PTPRC: variants seen among roughly 807,000 people sequenced by gnomAD.
The protein encoded by PTPRC is receptor-type tyrosine-protein phosphatase C.
A neutral mutation model predicts 155.9 loss-of-function variants in PTPRC; 44 were observed. The ratio of observed to expected loss-of-function variants is 0.28; its 90% CI spans 0.22 to 0.36. The LOEUF is 0.36. Among genes scored for constraint, PTPRC ranks in the 10% least tolerant of loss-of-function variants. PTPRC has a pLI of 1.00. For missense variants in PTPRC, 1,401 were observed against 1,564.6 expected (o/e 0.90, Z 1.76); for synonymous variants, 525 against 533.1 (o/e 0.98, Z 0.21).
intron 2 of PTPRC, among the ~76,000 whole-genome samples, chr1:198,662,354 T>C (rs1664015087): frequency 6.6e-6 from 1 of 151,988 alleles, no homozygotes; most frequent in Non-Finnish European, 1.5e-5. Flanking sequence ...GGCAATTTAT[T>C]TGAGATTACA....
intron 2 of PTPRC, among the ~76,000 whole-genome samples, chr1:198,643,442 A>G (rs1662754385): frequency 6.6e-6 from 1 of 151,944 alleles, no homozygotes; most frequent in Non-Finnish European, 1.5e-5. Flanking sequence ...AATTAACCAG[A>G]GGCGAAGTGG....
At chr1:198,679,873 A>G in intron 2 of PTPRC, 1 of 622,292 alleles carries the variant, frequency 1.6e-6, no homozygotes, top group East Asian at 2.8e-5. Flanking sequence ...CCTTGACTCA[A>G]GATCATCCCA....
At chr1:198,695,517 A>G (rs1666161074) in intron 3 of PTPRC, among the ~76,000 whole-genome samples, 1 of 134,850 alleles carries the variant, frequency 7.4e-6, no homozygotes, top group Non-Finnish European at 1.6e-5. Flanking sequence ...ATATTTTTCT[A>G]TTCTTTTATT....
chr1:198,751,071 G>A (rs1158947744), intron 29 of PTPRC, among the ~76,000 whole-genome samples: 4 of 151,800 alleles, frequency 2.6e-5, no homozygotes, highest in Non-Finnish European at 5.9e-5. Context: ...GCCTAAACAC[G>A]CCATTTGCAT....
chr1:198,658,538 GA>G (rs1663734567), intron 2 of PTPRC, among the ~76,000 whole-genome samples: 1 of 152,096 alleles, frequency 6.6e-6, no homozygotes, highest in African/African-American at 2.4e-5. Flanking sequence ...TCCTATATAA[GA>G]AAAATATTTC....
chr1:198,749,417 T>C lies in PTPRC; in HGVS notation c.2940T>C (p.Tyr980=), dbSNP rs779246448. 1 of 1,608,170 alleles carries C rather than the reference T, an allele frequency of 6.2e-7. No homozygotes were observed. The highest frequency in any genetic ancestry group is 8.5e-7 in the Non-Finnish European group (1 of 1,175,756). Residue 980 remains tyrosine, a splice_region_variant and synonymous_variant, in exon 28 of 33, where the codon TAT becomes TAC. Transcript: ENST00000442510. ...SKNRNSNVIP[Y]DYNRVPLKHE... ...TTACTACTGATTTATTTCACATAGA[T>C]GACTATAACAGAGTGCCACTTAAAC...
chr1:198,716,757 T>G lies in PTPRC; in HGVS notation c.1367T>G (p.Val456Gly). 2 of 1,613,192 alleles carry G rather than the reference T, an allele frequency of 1.2e-6. No individual in the cohort carries two copies. Among genetic ancestry groups the G allele is most frequent in the Non-Finnish European group, 1.7e-6 (2 of 1,179,834 alleles). Residue 456 changes from valine to glycine, a missense_variant, in exon 13 of 33, where the codon GTT becomes GGT. By Grantham distance (109) the Val-to-Gly change is moderately radical (BLOSUM62 -3). Around this residue, in one of 3 missense-constraint regions of PTPRC, gnomAD observed 867 missense variants for 970.4 expected, o/e 0.89. Coordinates refer to ENST00000442510, the MANE Select transcript of PTPRC (RefSeq NM_002838.5). The part of the protein sequence containing the change: ...LQNLKPYTKY[V>G]LSLHAYIIAK... ...AATTTAAAACCTTATACGAAATATG[T>G]TTTATCATTACATGCCTACATCATT...
intron 15 of PTPRC, among the ~76,000 whole-genome samples, chr1:198,722,999 T>G (rs1653963718): frequency 6.6e-6 from 1 of 151,720 alleles, no homozygotes; most frequent in African/African-American, 2.4e-5. Flanking sequence ...AGAATTAAAT[T>G]TCATTATAAT....
At position 198,731,838 on chromosome 1, in the gene PTPRC, A is replaced by G. The variant is rs534310385; in HGVS notation, c.1974+112A>G. 4 of 830,924 alleles carry G rather than the reference A, an allele frequency of 4.8e-6. No homozygotes were observed. In the Admixed American group the frequency reaches 7.5e-5, roughly 16 times the overall value. The allele number at this position is 830,924 out of a possible 1,614,324, so 51.5% of individuals were successfully genotyped here. ...AATTTATCCCACTTGATATTGCAAC[A>G]TAAGCAAAGTAGATATTATTAGCAG... On this transcript the variant is annotated intron_variant, in intron 18 of 32. Coordinates refer to ENST00000442510, the MANE Select transcript of PTPRC (RefSeq NM_002838.5).
intron 23 of PTPRC, 22 bp downstream of exon 23, chr1:198,735,274 T>A (rs778373371): frequency 1.3e-6 from 2 of 1,574,802 alleles, no homozygotes; most frequent in Admixed American, 3.4e-5. Flanking sequence ...TTTTACATAA[T>A]TTTTGTTTTG....
At chr1:198,688,151 A>G (rs1432854994) in intron 2 of PTPRC, among the ~76,000 whole-genome samples, 1 of 152,038 alleles carries the variant, frequency 6.6e-6, no homozygotes, top group East Asian at 1.9e-4. Flanking sequence ...ATGAAATAAA[A>G]CATAGATTAC....
chr1:198,727,801 T>A (rs1654206706), intron 15 of PTPRC, among the ~76,000 whole-genome samples: 1 of 152,138 alleles, frequency 6.6e-6, no homozygotes, highest in Non-Finnish European at 1.5e-5. Flanking sequence ...AGTGAATATT[T>A]AAGTCAGGGT....
rs1354805305 is a variant in PTPRC, at chr1:198,641,327, A to G, written c.73+1986A>G. On this transcript the variant is annotated intron_variant, in intron 2 of 32. Transcript: ENST00000442510. Reference sequence around the variant, plus strand: ...ATTTATTTTTCTTTTTTAGCAACAAATGAGTTGGATTCTATGTTTCATTTT... The same window carrying G: ...ATTTATTTTTCTTTTTTAGCAACAAGTGAGTTGGATTCTATGTTTCATTTT... Among the ~76,000 whole-genome samples, 3 of 152,042 alleles carry G rather than the reference A, an allele frequency of 2.0e-5. No homozygotes were observed. The East Asian group carries it at 5.8e-4, about 29-fold the overall frequency.
chr1:198,694,174 G>A (rs1666079205), intron 3 of PTPRC: 1 of 1,491,358 alleles, frequency 6.7e-7, no homozygotes. Context: ...GAGGAACTTG[G>A]AGTCTGATGT....
chr1:198,746,824 A>G (rs538487939), intron 26 of PTPRC, among the ~76,000 whole-genome samples: 1 of 151,950 alleles, frequency 6.6e-6, no homozygotes, highest in South Asian at 2.1e-4. Flanking sequence ...AAGGTGTTGT[A>G]ACAGTTTCCA....
At chr1:198,707,707 TA>T (rs1298782920) in intron 9 of PTPRC, among the ~76,000 whole-genome samples, 1 of 152,170 alleles carries the variant, frequency 6.6e-6, no homozygotes, top group Non-Finnish European at 1.5e-5. Flanking sequence ...TGACAATACT[TA>T]AAAATGCATT....
chr1:198,701,532 A>T (rs1666464160), intron 5 of PTPRC, among the ~76,000 whole-genome samples: 1 of 152,218 alleles, frequency 6.6e-6, no homozygotes, highest in Admixed American at 6.5e-5. Flanking sequence ...TAGGAACCAA[A>T]TGAATATACA....
At chr1:198,732,446 A>G (rs754515884) in intron 19 of PTPRC, 34 bp from the exon 20 acceptor site, 9 of 1,601,216 alleles carry the variant, frequency 5.6e-6, no homozygotes, top group East Asian at 2.2e-5. Flanking sequence ...ATTATTCACT[A>G]TTTCACTTGT....
rs780344153 is a variant in PTPRC, at chr1:198,696,872, G to T, written c.261G>T (p.Pro87=). The T allele has an allele frequency of 5.6e-6, 9 of 1,613,976 alleles. No homozygotes were observed. The highest frequency in any genetic ancestry group is 7.6e-6 in the Non-Finnish European group (9 of 1,179,920). ...SPDNTSTQVS[P]DSLDNASAFN... is the part of the protein sequence containing the mutation. Reference sequence around the variant, plus strand: ...ACAATACTTCCACCCAAGTATCCCCGGACTCTTTGGATAATGCTAGTGCTT... The same window carrying T: ...ACAATACTTCCACCCAAGTATCCCCTGACTCTTTGGATAATGCTAGTGCTT... Residue 87 remains proline (P), a synonymous_variant, in exon 4 of 33, where the codon CCG becomes CCT. Coordinates refer to ENST00000442510, the MANE Select transcript of PTPRC (RefSeq NM_002838.5).
Sources: gnomAD v4.1 joint callset for allele counts (sites outside exome capture counted in the v4.1 genomes callset) on GRCh38, gnomAD v4.1.1 for gene constraint, gnomAD v4.1.1 regional missense constraint, MANE v1.5 for transcripts, NCBI Gene and HGNC (gene_info 2026-07-23, HGNC 2026-07-21) for gene names.